The following SLC16A13 variants were observed in gnomAD, a reference collection of about 807,000 sequenced individuals.
SLC16A13 encodes the protein monocarboxylate transporter 13.
SLC16A13 carries 28 observed loss-of-function variants against 28.1 expected under a neutral mutation model. The ratio of observed to expected loss-of-function variants is 1.00; its 90% CI spans 0.74 to 1.37. The LOEUF (loss-of-function observed/expected upper bound fraction) is 1.37. SLC16A13 is among the 40% of genes most tolerant of loss of function. The pLI is 0.00. For synonymous variants in SLC16A13, 228 were observed against 241.6 expected (o/e 0.94, Z 0.52); for missense variants, 482 against 531.8 (o/e 0.91, Z 0.92).
chr17:7,038,115 C>G lies in SLC16A13; in HGVS notation c.344-37C>G. 6.3e-7 allele frequency: 1 copy of G among 1,585,130 alleles called. No individual in the cohort carries two copies. The highest frequency in any genetic ancestry group is 8.6e-7 in the Non-Finnish European group (1 of 1,166,344). On this transcript the variant is annotated intron_variant, in intron 2 of 3. Coordinates refer to ENST00000308027, the MANE Select transcript of SLC16A13 (RefSeq NM_201566.3). This position sits in a 1 kb window ranked among gnomAD's most constrained non-coding sequence, Gnocchi z 5.7. Reference sequence around the variant, plus strand: ...GGGATTACTGTGTGCCTTGAGCTCCCTAAGAGTTCTCAACACCACTTCTTC... The same window carrying G: ...GGGATTACTGTGTGCCTTGAGCTCCGTAAGAGTTCTCAACACCACTTCTTC...
rs1475364163 is a variant in SLC16A13, at chr17:7,038,799, G to A, written c.991G>A (p.Glu331Lys). Reference sequence around the variant, plus strand: ...CCCACTGGCCTTCTCCGTGCTGCCTGAACTAATAGGGACTAGAAGGATTTA... The same window carrying A: ...CCCACTGGCCTTCTCCGTGCTGCCTAAACTAATAGGGACTAGAAGGATTTA... ...LAPLAFSVLP[E>K]LIGTRRIYCG... Residue 331 changes from glutamate to lysine, a missense_variant, in exon 3 of 4, where the codon GAA (glutamate) becomes AAA (lysine). Transcript: ENST00000308027. This position sits in a 1 kb window ranked among gnomAD's most constrained non-coding sequence, Gnocchi z 5.7. The A allele has an allele frequency of 1.2e-6, 2 of 1,614,002 alleles. No individual in the cohort carries two copies. The highest frequency in any genetic ancestry group is 1.7e-6 in the Non-Finnish European group (2 of 1,179,930).
Position 7,036,782 on chromosome 17 carries a change from T to A in SLC16A13, c.255T>A (p.Thr85=), listed in dbSNP as rs1318513135. ...TKFGPRPVVM[T]GGILAALGML... ...TCGGGCCCAGGCCCGTGGTGATGAC[T>A]GGAGGCATCTTGGCTGCGCTGGGGA... Residue 85 remains threonine (T), a synonymous_variant, in exon 2 of 4, where the codon ACT becomes ACA. Coordinates refer to ENST00000308027, the MANE Select transcript of SLC16A13 (RefSeq NM_201566.3). 1 of 1,613,820 alleles carries A rather than the reference T, an allele frequency of 6.2e-7. No individual in the cohort carries two copies. The highest frequency in any genetic ancestry group is 1.3e-5 in the African/African-American group (1 of 74,954).
At position 7,038,188 on chromosome 17, in the gene SLC16A13, C is replaced by T. The variant is rs1233619688; in HGVS notation, c.380C>T (p.Ala127Val). The change falls in exon 3 of 4, where the codon GCC (alanine) becomes GTC (valine). Residue 127 changes from alanine (A) to valine (V), a missense_variant. Transcript: ENST00000308027. This position sits in a 1 kb window ranked among gnomAD's most constrained non-coding sequence, Gnocchi z 5.7. ...GWALTFAPTL[A>V]CLSCYFSRRR... is the part of the protein sequence containing the mutation. ...GCTTTGACCTTCGCTCCGACCCTGG[C>T]CTGCCTGTCCTGTTATTTCTCTCGC... 1.2e-6 allele frequency: 2 copies of T among 1,613,978 alleles called. No individual in the cohort carries two copies. Among genetic ancestry groups the T allele is most frequent in the South Asian group, 1.1e-5 (1 of 91,078 alleles).
intron 2 of SLC16A13, 76 bp downstream of exon 2, chr17:7,036,946 AG>A (rs1910597881): frequency 5.8e-6 from 9 of 1,559,720 alleles, no homozygotes; most frequent in Non-Finnish European, 6.9e-6. Context: ...CTCCTTCCAA[AG>A]GGTTCGGGGA....
Position 7,039,831 on chromosome 17 carries a change from G to A in SLC16A13, c.1150G>A (p.Gly384Arg), listed in dbSNP as rs1435108353. The A allele has an allele frequency of 5.6e-6, 9 of 1,614,044 alleles. No individual in the cohort carries two copies. The highest frequency in any genetic ancestry group is 1.7e-5 in the Admixed American group (1 of 59,996). The change falls in exon 4 of 4, where the codon GGG becomes AGG. Residue 384 changes from glycine to arginine, a missense_variant. Transcript: ENST00000308027. The surrounding 1 kb of genome is among the most constrained non-coding windows in gnomAD (Gnocchi z 4.3). ...FVVAGAFLLS[G>R]SGILLTLPHF... is the part of the protein sequence containing the mutation. Reference sequence around the variant, plus strand: ...GGTGGCTGGGGCCTTCCTTCTTTCAGGGAGTGGCATTCTCCTCACCCTGCC... The same window carrying A: ...GGTGGCTGGGGCCTTCCTTCTTTCAAGGAGTGGCATTCTCCTCACCCTGCC...
rs1321756956 is a variant in SLC16A13 at position 7,038,852 on chromosome 17, A to G, written c.1044A>G (p.Ile348Met). Residue 348 changes from isoleucine to methionine, a missense_variant, in exon 3 of 4, where the codon ATA (isoleucine) becomes ATG (methionine). Transcript: ENST00000308027. The surrounding 1 kb of genome is among the most constrained non-coding windows in gnomAD (Gnocchi z 5.7). ...IYCGLGLLQM[I>M]ESIGGLLGPP... ...GTGGCCTGGGACTGTTGCAGATGAT[A>G]GAGAGCATCGGGGGGCTGCTGGGGC... is the stretch of plus-strand genomic sequence containing the variant. The G allele has an allele frequency of 6.2e-7, 1 of 1,613,088 alleles. No homozygotes were observed. Among genetic ancestry groups the G allele is most frequent in the Non-Finnish European group, 8.5e-7 (1 of 1,179,464 alleles).
At position 7,038,642 on chromosome 17, in the gene SLC16A13, G is replaced by T; in HGVS notation, c.834G>T (p.Gly278=). 1 of 1,614,190 alleles carries T rather than the reference G, an allele frequency of 6.2e-7. No individual in the cohort carries two copies. Among genetic ancestry groups the T allele is most frequent in the South Asian group, 1.1e-5 (1 of 91,084 alleles). The stretch of plus-strand genomic sequence containing the variant: ...GATGGCTGGGAGATGCAGTCCCAGG[G>T]CCTGTGACACGACTCCTGATGCTCT... ...VSGWLGDAVP[G]PVTRLLMLWT... is the part of the protein sequence containing the mutation. The change falls in exon 3 of 4, where the codon GGG becomes GGT. Residue 278 remains glycine (G), a synonymous_variant. Transcript: ENST00000308027. This position sits in a 1 kb window ranked among gnomAD's most constrained non-coding sequence, Gnocchi z 5.7.
Position 7,038,616 on chromosome 17 carries a change from G to A in SLC16A13, c.808G>A (p.Gly270Arg), listed in dbSNP as rs35143200. Residue 270 changes from glycine to arginine, a missense_variant, in exon 3 of 4, where the codon GGA (glycine) becomes AGA (arginine). Coordinates refer to ENST00000308027, the MANE Select transcript of SLC16A13 (RefSeq NM_201566.3). This position sits in a 1 kb window ranked among gnomAD's most constrained non-coding sequence, Gnocchi z 5.7. ...TGACCTCGTGGGGCGTGTGGTCTCC[G>A]GATGGCTGGGAGATGCAGTCCCAGG... is the stretch of plus-strand genomic sequence containing the variant. ...ISDLVGRVVS[G>R]WLGDAVPGPV... is the part of the protein sequence containing the mutation. The A allele has an allele frequency of 3.0e-5, 49 of 1,613,966 alleles. No individual in the cohort carries two copies. The highest frequency in any genetic ancestry group is 1.6e-4 in the Middle Eastern group (1 of 6,084).
At position 7,038,388 on chromosome 17, in the gene SLC16A13, C is replaced by T. The variant is rs772992793; in HGVS notation, c.580C>T (p.Leu194=). ...ACGALLRPPS[L]AEDPAVGGPR... ...TGGTGCTCTCCTCCGCCCACCCTCC[C>T]TGGCTGAGGACCCTGCTGTGGGTGG... The change falls in exon 3 of 4, where the codon CTG becomes TTG. Residue 194 remains leucine, a synonymous_variant. Transcript: ENST00000308027. The surrounding 1 kb of genome is among the most constrained non-coding windows in gnomAD (Gnocchi z 5.7). The T allele has an allele frequency of 6.2e-7, 1 of 1,614,174 alleles. No homozygotes were observed. The highest frequency in any genetic ancestry group is 2.2e-5 in the East Asian group (1 of 44,880).
rs150152415 is a variant in SLC16A13 at position 7,038,212 on chromosome 17, G to A, written c.404G>A (p.Arg135His). ...GCCTGCCTGTCCTGTTATTTCTCTC[G>A]CCGACGATCCCTGGCCACCGGGCTG... ...TLACLSCYFSRRRSLATGLAL... is the reference protein window; with the variant it reads ...TLACLSCYFSHRRSLATGLAL... Residue 135 changes from arginine (R) to histidine (H), a missense_variant, in exon 3 of 4, where the codon CGC becomes CAC. Physicochemically the swap from Arg to His is conservative, Grantham distance 29 (BLOSUM62 0). Transcript: ENST00000308027. This position sits in a 1 kb window ranked among gnomAD's most constrained non-coding sequence, Gnocchi z 5.7. 5.7e-5 allele frequency: 92 copies of A among 1,613,966 alleles called. No homozygotes were observed. The East Asian group carries it at 1.3e-3, about 23-fold the overall frequency.
Position 7,036,295 on chromosome 17 carries a change from G to C in SLC16A13, c.-88G>C. 5.1e-6 allele frequency: 7 copies of C among 1,382,936 alleles called. No individual in the cohort carries two copies. The highest frequency in any genetic ancestry group is 1.4e-5 in the South Asian group (1 of 72,780). 85.7% of individuals were successfully genotyped at this position (1,382,936 alleles called of 1,614,324 possible). ...AACCCCTCTCGGCCCCGAGCCACCC[G>C]GCAGCGGGGGTGGGTGTGCAGAGGT... On this transcript the variant is annotated 5_prime_UTR_variant, in exon 1 of 4. Coordinates refer to ENST00000308027, the MANE Select transcript of SLC16A13 (RefSeq NM_201566.3).
At position 7,039,328 on chromosome 17, in the gene SLC16A13, T is replaced by C. The variant is rs1039106570; in HGVS notation, c.1082-435T>C. Among the ~76,000 whole-genome samples, 3 of 152,004 alleles carry C rather than the reference T, an allele frequency of 2.0e-5. No homozygotes were observed. Among genetic ancestry groups the C allele is most frequent in the Non-Finnish European group, 4.4e-5 (3 of 67,998 alleles). ...GAAGCTTTAGAAAGGCCACAGTTGG[T>C]GGGCGCCTGTAGTCCCAGCTACTCA... On this transcript the variant is annotated intron_variant, in intron 3 of 3. Coordinates refer to ENST00000308027, the MANE Select transcript of SLC16A13 (RefSeq NM_201566.3). This position sits in a 1 kb window ranked among gnomAD's most constrained non-coding sequence, Gnocchi z 4.3.
rs769160085 is a variant in SLC16A13, at chr17:7,036,762, C to A, written c.235C>A (p.Pro79Thr). Residue 79 changes from proline to threonine, a missense_variant, in exon 2 of 4, where the codon CCC becomes ACC. Transcript: ENST00000308027. ...VGSALSTKFG[P>T]RPVVMTGGIL... Reference sequence around the variant, plus strand: ...CAGTGCCCTGAGCACGAAGTTCGGGCCCAGGCCCGTGGTGATGACTGGAGG... The same window carrying A: ...CAGTGCCCTGAGCACGAAGTTCGGGACCAGGCCCGTGGTGATGACTGGAGG... The A allele has an allele frequency of 1.2e-6, 2 of 1,613,588 alleles. No homozygotes were observed. Among genetic ancestry groups the A allele is most frequent in the Non-Finnish European group, 1.7e-6 (2 of 1,180,040 alleles).
At position 7,036,997 on chromosome 17, in the gene SLC16A13, G is replaced by A. The variant is rs1300792357; in HGVS notation, c.343+127G>A. The A allele has an allele frequency of 9.3e-6, 11 of 1,178,088 alleles. No homozygotes were observed. The East Asian group carries it at 1.7e-4, about 18-fold the overall frequency. 73.0% of individuals were successfully genotyped at this position (1,178,088 alleles called of 1,614,324 possible). A position where few individuals can be genotyped will look rare whatever the true frequency, so the allele number is the denominator to read the frequency against. ...GTTTAGCTAGCACCTGTACCCAGAA[G>A]GGAATTCTTAATAGGAATGACTAAA... is the stretch of plus-strand genomic sequence containing the variant. On this transcript the variant is annotated intron_variant, in intron 2 of 3. Transcript: ENST00000308027.
At position 7,038,211 on chromosome 17, in the gene SLC16A13, C is replaced by T. The variant is rs760511290; in HGVS notation, c.403C>T (p.Arg135Cys). 3.7e-6 allele frequency: 6 copies of T among 1,614,114 alleles called. No homozygotes were observed. The highest frequency in any genetic ancestry group is 1.1e-5 in the South Asian group (1 of 91,076). Reference protein sequence around the residue: ...TLACLSCYFSRRRSLATGLAL... With the variant: ...TLACLSCYFSCRRSLATGLAL... ...GGCCTGCCTGTCCTGTTATTTCTCT[C>T]GCCGACGATCCCTGGCCACCGGGCT... Residue 135 changes from arginine to cysteine, a missense_variant, in exon 3 of 4, where the codon CGC becomes TGC. Coordinates refer to ENST00000308027, the MANE Select transcript of SLC16A13 (RefSeq NM_201566.3). The surrounding 1 kb of genome is among the most constrained non-coding windows in gnomAD (Gnocchi z 5.7).
chr17:7,038,123 T>G lies in SLC16A13; in HGVS notation c.344-29T>G, dbSNP rs1339953190. The G allele has an allele frequency of 6.3e-7, 1 of 1,593,160 alleles. No individual in the cohort carries two copies. Among genetic ancestry groups the G allele is most frequent in the Admixed American group, 1.7e-5 (1 of 58,876 alleles). ...TGTGTGCCTTGAGCTCCCTAAGAGT[T>G]CTCAACACCACTTCTTCCTTTTTGA... On this transcript the variant is annotated intron_variant, in intron 2 of 3. Transcript: ENST00000308027. The surrounding 1 kb of genome is among the most constrained non-coding windows in gnomAD (Gnocchi z 5.7).
Position 7,038,397 on chromosome 17 carries a change from GACCCTGCTGTGGGTGGTCCCAGGGCCCA to G in SLC16A13, c.592_619del (p.Pro198SerfsTer19). 1.2e-6 allele frequency: 2 copies of G among 1,614,092 alleles called. No individual in the cohort carries two copies. Among genetic ancestry groups the G allele is most frequent in the Middle Eastern group, 1.6e-4 (1 of 6,062 alleles). The stretch of plus-strand genomic sequence containing the variant: ...CCTCCGCCCACCCTCCCTGGCTGAG[GACCCTGCTGTGGGTGGTCCCAGGGCCCA>G]ACTCACCTCTCTCCTCCATCATGGC... On this transcript the variant is annotated frameshift_variant, in exon 3 of 4. Transcript: ENST00000308027. LOFTEE classifies it high-confidence loss of function. This position sits in a 1 kb window ranked among gnomAD's most constrained non-coding sequence, Gnocchi z 5.7.
Position 7,039,753 on chromosome 17 carries a change from T to G in SLC16A13, c.1082-10T>G, listed in dbSNP as rs1165292525. The stretch of plus-strand genomic sequence containing the variant: ...CACTCATGTGTATTCTTTTTCTCTC[T>G]TGGACCTAGGCTACCTCCGGGATGT... On this transcript the variant is annotated splice_polypyrimidine_tract_variant and intron_variant, in intron 3 of 3. Coordinates refer to ENST00000308027, the MANE Select transcript of SLC16A13 (RefSeq NM_201566.3). This position sits in a 1 kb window ranked among gnomAD's most constrained non-coding sequence, Gnocchi z 4.3. The G allele has an allele frequency of 1.2e-6, 2 of 1,614,012 alleles. No homozygotes were observed. The highest frequency in any genetic ancestry group is 1.7e-6 in the Non-Finnish European group (2 of 1,180,002).
chr17:7,036,293 C>T lies in SLC16A13; in HGVS notation c.-90C>T. 1.4e-6 allele frequency: 2 copies of T among 1,383,626 alleles called. No homozygotes were observed. The highest frequency in any genetic ancestry group is 2.0e-6 in the Non-Finnish European group (2 of 1,018,234). 85.7% of individuals were successfully genotyped at this position (1,383,626 alleles called of 1,614,324 possible). On this transcript the variant is annotated 5_prime_UTR_variant, in exon 1 of 4. Coordinates refer to ENST00000308027, the MANE Select transcript of SLC16A13 (RefSeq NM_201566.3). ...CCAACCCCTCTCGGCCCCGAGCCAC[C>T]CGGCAGCGGGGGTGGGTGTGCAGAG...
Sources: gnomAD v4.1 joint callset for allele counts (sites outside exome capture counted in the v4.1 genomes callset) on GRCh38, gnomAD v4.1.1 for gene constraint, Gnocchi (gnomAD v3.1) non-coding constraint, MANE v1.5 for transcripts, NCBI Gene and HGNC (gene_info 2026-07-23, HGNC 2026-07-21) for gene names.